The following CMYA5 variants were observed in gnomAD, a reference collection of about 807,000 sequenced individuals.
CMYA5 encodes cardiomyopathy-associated protein 5.
Under a neutral mutation model 318.9 loss-of-function variants are expected in CMYA5, and 246 were observed. That is an observed-to-expected ratio of 0.77 (90% CI 0.70 to 0.86). The LOEUF is 0.86. Among genes scored for constraint, CMYA5 ranks in the 40% least tolerant of loss-of-function variants. CMYA5 has a pLI of 0.00. For synonymous variants in CMYA5, 1,641 were observed against 1,729.5 expected (o/e 0.95, Z 1.27); for missense variants, 4,589 against 4,678.2 (o/e 0.98, Z 0.56).
rs765017744 is a variant in CMYA5, at chr5:79,736,318, A to G, written c.7553A>G (p.Tyr2518Cys). The change falls in exon 2 of 13, where the codon TAT (tyrosine) becomes TGT (cysteine). Residue 2518 changes from tyrosine to cysteine, a missense_variant. Tyr to Cys is a radical substitution (Grantham distance 194). Around this residue, in one of 3 missense-constraint regions of CMYA5, gnomAD observed 2,431 missense variants for 2,495.1 expected, o/e 0.97. Coordinates refer to ENST00000446378, the MANE Select transcript of CMYA5 (RefSeq NM_153610.5). ...GCCGATGCTATGCCACAGCACTTCT[A>G]TCAAAATGAAGACTACAATGAAAGA... ...SKADAMPQHF[Y>C]QNEDYNERPK... is the part of the protein sequence containing the mutation. 6.2e-7 allele frequency: 1 copy of G among 1,613,648 alleles called. No individual in the cohort carries two copies.
intron 1 of CMYA5, among the ~76,000 whole-genome samples, chr5:79,690,359 A>C (rs772754484): frequency 6.6e-6 from 1 of 152,136 alleles, no homozygotes; most frequent in African/African-American, 2.4e-5. Flanking sequence ...GAACACGTAC[A>C]TCTGGCCCGA....
At chr5:79,707,661 AC>A (rs1380774377) in intron 1 of CMYA5, among the ~76,000 whole-genome samples, 1 of 152,218 alleles carries the variant, frequency 6.6e-6, no homozygotes, top group Non-Finnish European at 1.5e-5. Flanking sequence ...CTAGTATGAC[AC>A]GAGATGTTTT....
intron 1 of CMYA5, among the ~76,000 whole-genome samples, chr5:79,701,088 T>TGCCAAAAAA (rs1827166096): frequency 2.5e-5 from 1 of 39,606 alleles, no homozygotes; most frequent in Admixed American, 2.3e-4. Context: ...CTACTAAAAA[T>TGCCAAAAAA]ACAAAAAAAA....
chr5:79,768,669 A>G (rs545516498), intron 9 of CMYA5, among the ~76,000 whole-genome samples: 20 of 152,180 alleles, frequency 1.3e-4, no homozygotes, highest in Non-Finnish European at 2.5e-4. Flanking sequence ...ATCCGTTGTT[A>G]GTCTGATGGG....
Position 79,734,428 on chromosome 5 carries a change from C to A in CMYA5, c.5663C>A (p.Ser1888Tyr). The A allele has an allele frequency of 6.2e-7, 1 of 1,613,680 alleles. No homozygotes were observed. ...KETKMEEFFI[S>Y]PKDENWMLGK... ...ACAAAAATGGAAGAATTCTTTATTT[C>A]TCCAAAGGATGAAAACTGGATGTTG... is the stretch of plus-strand genomic sequence containing the variant. The change falls in exon 2 of 13, where the codon TCT becomes TAT. Residue 1888 changes from serine (S) to tyrosine (Y), a missense_variant. Coordinates refer to ENST00000446378, the MANE Select transcript of CMYA5 (RefSeq NM_153610.5).
Position 79,738,069 on chromosome 5 carries a change from C to G in CMYA5, c.9304C>G (p.Leu3102Val), listed in dbSNP as rs1580776564. The G allele has an allele frequency of 6.2e-7, 1 of 1,613,316 alleles. No homozygotes were observed. Among genetic ancestry groups the G allele is most frequent in the Non-Finnish European group, 8.5e-7 (1 of 1,179,748 alleles). ...SFPVSSVESA[L>V]EHEYDLVKLD... ...CCCAGTAAGTTCAGTGGAAAGTGCA[C>G]TAGAACATGAATATGACTTGGTGAA... The change falls in exon 2 of 13, where the codon CTA becomes GTA. Residue 3102 changes from leucine (L) to valine (V), a missense_variant. This residue lies in a region of CMYA5 where 2,431 missense variants were observed against 2,495.1 expected (regional missense o/e 0.97). Transcript: ENST00000446378.
chr5:79,708,344 G>A (rs1441129538), intron 1 of CMYA5, among the ~76,000 whole-genome samples: 2 of 152,174 alleles, frequency 1.3e-5, no homozygotes, highest in African/African-American at 4.8e-5. Context: ...ACATTTGGCC[G>A]GGCATGGTGG....
At chr5:79,748,690 G>A (rs934347316) in intron 5 of CMYA5, among the ~76,000 whole-genome samples, 3 of 151,954 alleles carry the variant, frequency 2.0e-5, no homozygotes, top group South Asian at 2.1e-4. Context: ...CCACAGGTGC[G>A]CTCCACCGTG....
At chr5:79,742,963 A>C (rs80044518) in intron 2 of CMYA5, among the ~76,000 whole-genome samples, 8,420 of 152,212 alleles carry the variant, frequency 0.055, 805 homozygotes, top group African/African-American at 0.19. Context: ...CAGGGACAAC[A>C]TTCTAGAGCC....
rs112493603 is a variant in CMYA5 at position 79,734,841 on chromosome 5, A to G, written c.6076A>G (p.Thr2026Ala). Residue 2026 changes from threonine to alanine, a missense_variant, in exon 2 of 13, where the codon ACA becomes GCA. Thr to Ala is a moderately conservative substitution (Grantham distance 58). Around this residue, in one of 3 missense-constraint regions of CMYA5, gnomAD observed 2,431 missense variants for 2,495.1 expected, o/e 0.97. Transcript: ENST00000446378. ...AAGTTTGCTATTGGAGAAAGCAAAC[A>G]CAGAGCTTTCCTGGCCTTCCAAAGA... ...SESLLLEKAN[T>A]ELSWPSKEDS... 2 of 1,613,762 alleles carry G rather than the reference A, an allele frequency of 1.2e-6. No individual in the cohort carries two copies. Among genetic ancestry groups the G allele is most frequent in the Non-Finnish European group, 1.7e-6 (2 of 1,179,788 alleles).
intron 1 of CMYA5, among the ~76,000 whole-genome samples, chr5:79,703,187 T>C (rs1827205987): frequency 6.6e-6 from 1 of 152,228 alleles, no homozygotes; most frequent in African/African-American, 2.4e-5. Context: ...CAGGATGCAG[T>C]ATATTTTGCT....
intron 1 of CMYA5, among the ~76,000 whole-genome samples, chr5:79,694,080 G>A (rs1827023486): frequency 6.6e-6 from 1 of 152,188 alleles, no homozygotes; most frequent in Non-Finnish European, 1.5e-5. Context: ...CTGGAACAGA[G>A]TAAGGTAATG....
intron 1 of CMYA5, among the ~76,000 whole-genome samples, chr5:79,697,195 A>G (rs982611263): frequency 3.9e-5 from 6 of 152,226 alleles, no homozygotes; most frequent in African/African-American, 1.4e-4. Flanking sequence ...AATTAGCTAC[A>G]GCAAATGCAT....
intron 6 of CMYA5, 113 bp downstream of exon 6, chr5:79,752,907 A>G (rs1828457892): frequency 3.0e-6 from 2 of 673,056 alleles, no homozygotes; most frequent in Non-Finnish European, 5.0e-6. Flanking sequence ...TGTAACTGGA[A>G]AAAGAAAAGT....
At chr5:79,762,949 G>C in intron 8 of CMYA5, 113 bp from the exon 9 acceptor site, 1 of 1,236,274 alleles carries the variant, frequency 8.1e-7, no homozygotes, top group South Asian at 1.5e-5. Context: ...TACACTTTCT[G>C]ATGAAAAATT....
intron 5 of CMYA5, among the ~76,000 whole-genome samples, chr5:79,749,096 C>T (rs1260978708): frequency 1.3e-5 from 2 of 152,134 alleles, no homozygotes; most frequent in African/African-American, 4.8e-5. Flanking sequence ...TAAATATGTT[C>T]ATCTGTGTGT....
chr5:79,739,103 A>G lies in CMYA5; in HGVS notation c.10338A>G (p.Thr3446=). Residue 3446 remains threonine (T), a synonymous_variant, in exon 2 of 13, where the codon ACA becomes ACG. Transcript: ENST00000446378. ...CAGAAGAACTGTCTTCAGAATCCAC[A>G]CCTGAAGATGTCTTATCTCAAGGAA... The part of the protein sequence containing the change: ...ILSEELSSES[T]PEDVLSQGKE... 1.2e-6 allele frequency: 2 copies of G among 1,613,868 alleles called. No homozygotes were observed. The highest frequency in any genetic ancestry group is 2.7e-5 in the African/African-American group (2 of 75,048).
At position 79,733,084 on chromosome 5, in the gene CMYA5, A is replaced by G. The variant is rs1207266324; in HGVS notation, c.4319A>G (p.Glu1440Gly). 8 of 1,613,566 alleles carry G rather than the reference A, an allele frequency of 5.0e-6. No homozygotes were observed. In the African/African-American group the frequency reaches 5.3e-5, roughly 11 times the overall value. ...SSKHLAWSEA[E>G]KEIKFDSLPS... ...AAACATTTAGCTTGGTCAGAAGCAG[A>G]GAAGGAAATTAAATTTGATTCACTT... Residue 1440 changes from glutamate (E) to glycine (G), a missense_variant, in exon 2 of 13, where the codon GAG becomes GGG. Transcript: ENST00000446378.
intron 1 of CMYA5, among the ~76,000 whole-genome samples, chr5:79,698,242 A>G (rs964980151): frequency 1.3e-5 from 2 of 152,288 alleles, no homozygotes; most frequent in South Asian, 2.1e-4. Context: ...AAGAGCTTCA[A>G]TAAATCCCCT....
Sources: allele counts gnomAD v4.1 joint callset (sites outside exome capture counted in the v4.1 genomes callset), GRCh38; gene constraint gnomAD v4.1.1; regional missense constraint gnomAD v4.1.1; transcripts MANE v1.5; gene names NCBI Gene and HGNC (gene_info 2026-07-23, HGNC 2026-07-21).